TLN2: variants seen among roughly 807,000 people sequenced by gnomAD.
TLN2 encodes the protein talin-2.
In TLN2, 118 loss-of-function variants were observed where a neutral mutation model predicts 294.7. The ratio of observed to expected loss-of-function variants is 0.40; its 90% CI spans 0.34 to 0.47. The LOEUF (loss-of-function observed/expected upper bound fraction) is 0.47, where lower values mean the gene tolerates loss of function less well. TLN2 is among the 20% of genes least tolerant of loss of function. The pLI is 0.84. For missense variants in TLN2, 3,083 were observed against 3,282.2 expected, an observed-to-expected ratio of 0.94 and a Z score of 1.48; for synonymous variants, 1,431 against 1,304.5, an observed-to-expected ratio of 1.10 and a Z score of -2.09.
At chr15:62,825,825 T>TATAAA (rs2068089676) in intron 54 of TLN2, among the ~76,000 whole-genome samples, 5 of 24,520 alleles carry the variant, frequency 2.0e-4, no homozygotes, top group Non-Finnish European at 2.9e-4. Context: ...ATAATATATA[T>TATAAA]TATAATATAT....
intron 3 of TLN2, among the ~76,000 whole-genome samples, chr15:62,635,214 T>TA (rs1258123309): frequency 9.2e-5 from 14 of 152,270 alleles, no homozygotes. Flanking sequence ...GGTTGTTTTG[T>TA]AAAAATACTG....
At chr15:62,787,443 A>G (rs2064756789) in intron 45 of TLN2, among the ~76,000 whole-genome samples, 1 of 152,120 alleles carries the variant, frequency 6.6e-6, no homozygotes, top group African/African-American at 2.4e-5. Flanking sequence ...AACTTCCCCC[A>G]AGGCACAAAA....
intron 1 of TLN2, among the ~76,000 whole-genome samples, chr15:62,528,670 C>CTTTTTTTT (rs3055755): frequency 1.0e-4 from 10 of 96,782 alleles, no homozygotes; most frequent in Admixed American, 1.3e-4. Context: ...CCAGAGCTTG[C>CTTTTTTTT]TTTTTTTTTT....
chr15:62,741,752 T>C (rs12185074), intron 32 of TLN2, among the ~76,000 whole-genome samples: 13 of 62,642 alleles, frequency 2.1e-4, no homozygotes, highest in Non-Finnish European at 3.7e-4. Context: ...TTTGCGCGTG[T>C]GTGTGTGTGT....
At chr15:62,689,088 C>G (rs1297629845) in intron 12 of TLN2, among the ~76,000 whole-genome samples, 14 of 122,304 alleles carry the variant, frequency 1.1e-4, no homozygotes, top group Non-Finnish European at 1.7e-4. Context: ...TTTTTTTTGC[C>G]TTTTCTGTGG....
intron 1 of TLN2, among the ~76,000 whole-genome samples, chr15:62,430,208 C>T (rs1222009540): frequency 2.0e-5 from 3 of 152,258 alleles, no homozygotes; most frequent in South Asian, 4.1e-4. Context: ...TGGAAAATTC[C>T]ATTACAGTTC....
At chr15:62,691,770 A>G (rs954374621) in intron 12 of TLN2, among the ~76,000 whole-genome samples, 4 of 151,988 alleles carry the variant, frequency 2.6e-5, no homozygotes, top group African/African-American at 7.3e-5. Context: ...CCTGGGCTCA[A>G]GCGATCCTCC....
At chr15:62,579,287 A>G (rs543381246) in intron 1 of TLN2, among the ~76,000 whole-genome samples, 4 of 152,334 alleles carry the variant, frequency 2.6e-5, no homozygotes, top group African/African-American at 9.6e-5. Context: ...ACCAGCCTTC[A>G]CATGGTAAGA....
At chr15:62,670,120 T>C (rs1218227612) in intron 9 of TLN2, among the ~76,000 whole-genome samples, 1 of 152,184 alleles carries the variant, frequency 6.6e-6, no homozygotes, top group Non-Finnish European at 1.5e-5. Context: ...TCTGGTATTC[T>C]TCTAGTGACA....
At chr15:62,578,947 A>C in intron 1 of TLN2, among the ~76,000 whole-genome samples, 1 of 152,176 alleles carries the variant, frequency 6.6e-6, no homozygotes, top group Non-Finnish European at 1.5e-5. Context: ...GGTGTTAGAA[A>C]GAATACAACA....
intron 1 of TLN2, among the ~76,000 whole-genome samples, chr15:62,416,934 C>T (rs2034119083): frequency 6.6e-6 from 1 of 152,170 alleles, no homozygotes; most frequent in African/African-American, 2.4e-5. Flanking sequence ...CTGTTCTCCT[C>T]CCCATTTCCC....
intron 48 of TLN2, 131 bp downstream of exon 48, chr15:62,797,533 G>A: frequency 1.8e-6 from 2 of 1,134,468 alleles, no homozygotes; most frequent in South Asian, 1.7e-5. Context: ...TGTCTGGTTT[G>A]AGGAACCGGT....
intron 1 of TLN2, among the ~76,000 whole-genome samples, chr15:62,416,371 G>C (rs1365221304): frequency 6.6e-6 from 1 of 152,190 alleles, no homozygotes; most frequent in Non-Finnish European, 1.5e-5. Context: ...CACAAAGGTA[G>C]AAGAGAAAGA....
intron 52 of TLN2, among the ~76,000 whole-genome samples, chr15:62,819,201 G>T (rs868704): frequency 0.012 from 1,875 of 152,212 alleles, 44 homozygotes; most frequent in African/African-American, 0.043. Context: ...GTGCATGTGT[G>T]TGTTTTATGT....
intron 1 of TLN2, among the ~76,000 whole-genome samples, chr15:62,525,904 G>T (rs994701073): frequency 6.6e-6 from 1 of 152,138 alleles, no homozygotes; most frequent in African/African-American, 2.4e-5. Flanking sequence ...GCAGTGTGCT[G>T]TGGGATCTAT....
chr15:62,766,921 A>T (rs2063043287), intron 41 of TLN2, among the ~76,000 whole-genome samples: 1 of 152,158 alleles, frequency 6.6e-6, no homozygotes, highest in South Asian at 2.1e-4. Flanking sequence ...ACTCCAGGGG[A>T]GCCGTTCAGC....
intron 32 of TLN2, among the ~76,000 whole-genome samples, chr15:62,742,335 T>A (rs558274203): frequency 6.6e-6 from 1 of 152,246 alleles, no homozygotes; most frequent in East Asian, 1.9e-4. Context: ...CTCTTGATCG[T>A]TGCTTTTTTT....
At chr15:62,625,951 G>A (rs2049248751) in intron 3 of TLN2, among the ~76,000 whole-genome samples, 1 of 152,090 alleles carries the variant, frequency 6.6e-6, no homozygotes, top group Admixed American at 6.6e-5. Context: ...GGTGGGGTAG[G>A]GCCTGAGTTC....
chr15:62,511,585 C>T (rs1271217989), intron 1 of TLN2, among the ~76,000 whole-genome samples: 1 of 152,038 alleles, frequency 6.6e-6, no homozygotes, highest in Non-Finnish European at 1.5e-5. Flanking sequence ...CTGGGGGAGT[C>T]TCCCTCCCCA....
Sources: gnomAD v4.1 joint callset for allele counts (sites outside exome capture counted in the v4.1 genomes callset) on GRCh38, gnomAD v4.1.1 for gene constraint, MANE v1.5 for transcripts, NCBI Gene and HGNC (gene_info 2026-07-23, HGNC 2026-07-21) for gene names.